LGR5: variants seen among roughly 807,000 people sequenced by gnomAD.
The protein encoded by LGR5 is leucine rich repeat containing G protein-coupled receptor 5.
A neutral mutation model predicts 76.7 loss-of-function variants in LGR5; 54 were observed. That is an observed-to-expected ratio of 0.70 (90% CI 0.57 to 0.88). The LOEUF is 0.88. Ranked by LOEUF, LGR5 falls within the 40% of genes least tolerant of loss-of-function variation. LGR5 has a pLI of 0.00. For missense variants in LGR5, 1,078 were observed against 1,073.3 expected, an observed-to-expected ratio of 1.00 and a Z score of -0.06; for synonymous variants, 406 against 421.9, an observed-to-expected ratio of 0.96 and a Z score of 0.46.
At chr12:71,546,726 C>T (rs1229177563) in intron 4 of LGR5, among the ~76,000 whole-genome samples, 1 of 152,162 alleles carries the variant, frequency 6.6e-6, no homozygotes, top group South Asian at 2.1e-4. Flanking sequence ...CTTTCTACAG[C>T]ACATGTATTA....
intron 4 of LGR5, among the ~76,000 whole-genome samples, chr12:71,552,687 A>G (rs1877550182): frequency 6.6e-6 from 1 of 152,238 alleles, no homozygotes; most frequent in South Asian, 2.1e-4. Flanking sequence ...AGTCAGGGAA[A>G]GCAAAAACAT....
At chr12:71,503,894 A>G (rs898975571) in intron 1 of LGR5, among the ~76,000 whole-genome samples, 2 of 152,164 alleles carry the variant, frequency 1.3e-5, no homozygotes, top group Non-Finnish European at 2.9e-5. Context: ...AGGGGGGAAA[A>G]AAACAGAATA....
At chr12:71,574,251 C>T (rs1448811360) in intron 13 of LGR5, among the ~76,000 whole-genome samples, 4 of 122,348 alleles carry the variant, frequency 3.3e-5, no homozygotes, top group Non-Finnish European at 1.6e-5. Flanking sequence ...TGCAGTGAGC[C>T]GAGATCACGC....
chr12:71,566,753 G>A (rs1797374), intron 10 of LGR5, 53 bp downstream of exon 10: 1,513,466 of 1,567,056 alleles, frequency 0.97, 735,786 homozygotes, highest in East Asian at 0.99. Context: ...TGCCATTAGA[G>A]CTTGATCAGT....
chr12:71,575,908 A>G (rs1414717332), intron 13 of LGR5, among the ~76,000 whole-genome samples: 2 of 152,262 alleles, frequency 1.3e-5, no homozygotes, highest in African/African-American at 2.4e-5. Context: ...CTACGCAGCC[A>G]TAAGAAGGGA....
At chr12:71,566,780 C>A (rs1219272836) in intron 10 of LGR5, 61 bp from the exon 11 acceptor site, 1 of 1,579,562 alleles carries the variant, frequency 6.3e-7, no homozygotes, top group South Asian at 1.1e-5. Flanking sequence ...ATCAGTGAGT[C>A]AAAATATGTC....
At chr12:71,554,928 G>T (rs564402752) in intron 5 of LGR5, among the ~76,000 whole-genome samples, 2 of 152,174 alleles carry the variant, frequency 1.3e-5, no homozygotes, top group South Asian at 4.2e-4. Context: ...AATGAGGAAG[G>T]CTTCTTCTCA....
At chr12:71,554,389 G>A (rs1877655670) in intron 5 of LGR5, among the ~76,000 whole-genome samples, 1 of 152,124 alleles carries the variant, frequency 6.6e-6, no homozygotes, top group South Asian at 2.1e-4. Context: ...AAAATATCTT[G>A]AACACCAATC....
chr12:71,565,700 C>T (rs1031900288), intron 8 of LGR5, among the ~76,000 whole-genome samples: 8 of 151,048 alleles, frequency 5.3e-5, no homozygotes, highest in African/African-American at 1.9e-4. Flanking sequence ...CATACCTACC[C>T]TCATACTTTA....
At chr12:71,459,642 C>T (rs1872613841) in intron 1 of LGR5, among the ~76,000 whole-genome samples, 1 of 152,034 alleles carries the variant, frequency 6.6e-6, no homozygotes, top group African/African-American at 2.4e-5. Flanking sequence ...TAAGGAACAG[C>T]CTCTGCTCCC....
intron 11 of LGR5, among the ~76,000 whole-genome samples, chr12:71,569,082 T>C (rs1439274651): frequency 1.3e-5 from 2 of 152,218 alleles, no homozygotes; most frequent in African/African-American, 2.4e-5. Context: ...GTTTAATAAA[T>C]GGTGCTGAGA....
At chr12:71,539,516 T>G (rs931828570) in intron 4 of LGR5, among the ~76,000 whole-genome samples, 1 of 152,330 alleles carries the variant, frequency 6.6e-6, no homozygotes, top group Middle Eastern at 3.4e-3. Context: ...CTCACTCTGT[T>G]GCCCAGGCTG....
At chr12:71,560,603 C>T (rs1053909194) in intron 7 of LGR5, among the ~76,000 whole-genome samples, 2 of 152,140 alleles carry the variant, frequency 1.3e-5, no homozygotes, top group East Asian at 1.9e-4. Flanking sequence ...ACCAGCCTGG[C>T]CAACATGGTG....
intron 7 of LGR5, among the ~76,000 whole-genome samples, chr12:71,561,354 A>C (rs888011154): frequency 2.6e-5 from 4 of 152,232 alleles, no homozygotes; most frequent in Non-Finnish European, 5.9e-5. Flanking sequence ...TTTTGTCCTC[A>C]TAAGGAGACT....
chr12:71,578,741 T>C, intron 14 of LGR5, 63 bp from the exon 15 acceptor site: 1 of 1,471,940 alleles, frequency 6.8e-7, no homozygotes, highest in Non-Finnish European at 9.1e-7. Flanking sequence ...TTGTTGTTTT[T>C]TTTAACATAA....
At chr12:71,464,903 T>A (rs1000093177) in intron 1 of LGR5, among the ~76,000 whole-genome samples, 1 of 152,054 alleles carries the variant, frequency 6.6e-6, no homozygotes, top group Non-Finnish European at 1.5e-5. Context: ...ACCTTCAGGA[T>A]CAAACCTGCA....
At chr12:71,544,250 G>A (rs528746967) in intron 4 of LGR5, among the ~76,000 whole-genome samples, 1 of 145,186 alleles carries the variant, frequency 6.9e-6, no homozygotes, top group Non-Finnish European at 1.5e-5. Context: ...GAGGGAGAAA[G>A]GGGAAATTCT....
intron 1 of LGR5, among the ~76,000 whole-genome samples, chr12:71,503,725 T>G (rs981099010): frequency 3.3e-5 from 5 of 152,174 alleles, no homozygotes; most frequent in Admixed American, 3.3e-4. Flanking sequence ...ATCTTCAGGT[T>G]CGTGCAACAA....
chr12:71,497,342 G>GAGGA (rs756766753), intron 1 of LGR5, among the ~76,000 whole-genome samples: 1 of 148,500 alleles, frequency 6.7e-6, no homozygotes, highest in Non-Finnish European at 1.5e-5. Flanking sequence ...AAGAGAGAAA[G>GAGGA]AGGAAGGAAG....
Sources: gnomAD v4.1 joint callset for allele counts (sites outside exome capture counted in the v4.1 genomes callset) on GRCh38, gnomAD v4.1.1 for gene constraint, MANE v1.5 for transcripts, NCBI Gene and HGNC (gene_info 2026-07-23, HGNC 2026-07-21) for gene names.